The following CECR2 variants were observed in gnomAD, a reference collection of about 807,000 sequenced individuals.
The protein encoded by CECR2 is chromatin remodeling regulator CECR2.
CECR2 carries 30 observed loss-of-function variants against 154.5 expected under a neutral mutation model. The observed-to-expected ratio is 0.19, with a 90% CI of 0.15 to 0.26. CECR2 has a LOEUF of 0.26. Ranked by LOEUF, CECR2 falls within the 10% of genes least tolerant of loss-of-function variation. The pLI is 1.00. For synonymous variants in CECR2, 725 were observed against 683.7 expected, an observed-to-expected ratio of 1.06 and a Z score of -0.94; for missense variants, 1,743 against 1,829.3, an observed-to-expected ratio of 0.95 and a Z score of 0.86.
At chr22:17,467,511 C>T (rs909169640) in intron 1 of CECR2, among the ~76,000 whole-genome samples, 3 of 152,098 alleles carry the variant, frequency 2.0e-5, no homozygotes, top group Non-Finnish European at 4.4e-5. Flanking sequence ...GTCCCGGGTG[C>T]GGTGGCTCAC....
chr22:17,543,968 C>T (rs2056570922), intron 16 of CECR2, among the ~76,000 whole-genome samples: 1 of 152,212 alleles, frequency 6.6e-6, no homozygotes, highest in Non-Finnish European at 1.5e-5. Flanking sequence ...ATTATTTGCT[C>T]TCAGCCAGCT....
chr22:17,403,735 G>T (rs937512168), intron 1 of CECR2, among the ~76,000 whole-genome samples: 6 of 151,958 alleles, frequency 3.9e-5, no homozygotes, highest in Non-Finnish European at 7.4e-5. Context: ...TTTAAAATTG[G>T]ACTCTTTGTC....
At chr22:17,441,991 C>T (rs952340410) in intron 1 of CECR2, among the ~76,000 whole-genome samples, 9 of 152,164 alleles carry the variant, frequency 5.9e-5, no homozygotes, top group Non-Finnish European at 1.2e-4. Flanking sequence ...CTGCAGGAAG[C>T]GGGTGGCAGA....
chr22:17,489,233 T>C (rs1378151401), intron 2 of CECR2, among the ~76,000 whole-genome samples: 1 of 152,182 alleles, frequency 6.6e-6, no homozygotes, highest in Non-Finnish European at 1.5e-5. Flanking sequence ...TCGCCCGGCC[T>C]AGTTACTTCC....
intron 1 of CECR2, among the ~76,000 whole-genome samples, chr22:17,416,646 C>T (rs1229551815): frequency 6.6e-6 from 1 of 152,144 alleles, no homozygotes; most frequent in African/African-American, 2.4e-5. Context: ...GGATTACAGG[C>T]ACGTGCCATC....
chr22:17,518,687 C>T, intron 8 of CECR2: 1 of 445,358 alleles, frequency 2.2e-6, no homozygotes, highest in Non-Finnish European at 4.6e-6. Context: ...TGATGAATTA[C>T]TGTTTGCATT....
intron 17 of CECR2, 129 bp from the exon 18 acceptor site, chr22:17,551,902 C>A: frequency 2.4e-6 from 2 of 819,560 alleles, no homozygotes; most frequent in Non-Finnish European, 2.0e-6. Context: ...CGAGTTGTCC[C>A]AGTATGGATG....
chr22:17,394,137 T>C (rs1391984168), intron 1 of CECR2, among the ~76,000 whole-genome samples: 2 of 147,384 alleles, frequency 1.4e-5, no homozygotes, highest in Non-Finnish European at 3.0e-5. Flanking sequence ...TCCACCTGCC[T>C]CAGCCTCCCA....
chr22:17,409,146 G>A (rs372884157), intron 1 of CECR2, among the ~76,000 whole-genome samples: 1 of 151,294 alleles, frequency 6.6e-6, no homozygotes, highest in Admixed American at 6.6e-5. Flanking sequence ...TTGTTTGTTT[G>A]TTTTTGAGAC....
rs142951354 is a variant in CECR2, at chr22:17,394,990, C to A, written c.126+25081C>A. 7.0e-3 allele frequency among the ~76,000 whole-genome samples: 1,072 copies of A among 152,074 alleles called. 13 individuals are homozygous for A. The highest frequency in any genetic ancestry group is 0.024 in the African/African-American group (980 of 41,464). On this transcript the variant is annotated intron_variant, in intron 1 of 18. Transcript: ENST00000262608. The stretch of plus-strand genomic sequence containing the variant: ...TAATTTAAATACATCAAATGCATTC[C>A]TTTTAAGTATGTAGTGTGAGTTTTG...
intron 1 of CECR2, among the ~76,000 whole-genome samples, chr22:17,383,203 A>T (rs555009972): frequency 1.8e-3 from 277 of 152,232 alleles, no homozygotes; most frequent in African/African-American, 6.3e-3. Context: ...CTAGCCTGGG[A>T]AACAGAGCAA....
rs1217128566 is a variant in CECR2, at chr22:17,557,614, C to T, written c.*4774C>T. 7.5e-6 allele frequency: 1 copy of T among 132,844 alleles called. No homozygotes were observed. Among genetic ancestry groups the T allele is most frequent in the Non-Finnish European group, 1.5e-5 (1 of 65,676 alleles). 8.2% of individuals were successfully genotyped at this position (132,844 alleles called of 1,614,324 possible). ...CACAAGAGGACTAACTGAACTCTAA[C>T]GTCAGAACGGCTGACGAGCAGTTGA... On this transcript the variant is annotated 3_prime_UTR_variant, in exon 19 of 19. Transcript: ENST00000262608.
intron 7 of CECR2, among the ~76,000 whole-genome samples, chr22:17,511,453 C>G (rs2146925170): frequency 6.6e-6 from 1 of 152,268 alleles, no homozygotes; most frequent in East Asian, 1.9e-4. Flanking sequence ...GATGCCCCCT[C>G]CCAGAGCCGC....
chr22:17,486,615 A>G (rs1040297256), intron 2 of CECR2, among the ~76,000 whole-genome samples: 4 of 152,238 alleles, frequency 2.6e-5, no homozygotes, highest in South Asian at 4.1e-4. Context: ...CATTCTCCCC[A>G]GGAAAAACTA....
At chr22:17,386,088 C>T (rs966990679) in intron 1 of CECR2, among the ~76,000 whole-genome samples, 5 of 152,164 alleles carry the variant, frequency 3.3e-5, no homozygotes, top group African/African-American at 9.7e-5. Flanking sequence ...AGCCCTCATA[C>T]GGTGGTACCA....
chr22:17,506,828 A>T (rs1032522848), intron 7 of CECR2, among the ~76,000 whole-genome samples: 32 of 151,874 alleles, frequency 2.1e-4, no homozygotes, highest in Non-Finnish European at 3.4e-4. Context: ...TAATGTTTTT[A>T]TATTTTTAGT....
Position 17,390,726 on chromosome 22 carries a change from C to T in CECR2, c.126+20817C>T, listed in dbSNP as rs74350964. Among the ~76,000 whole-genome samples, 871 of 152,270 alleles carry T rather than the reference C, an allele frequency of 5.7e-3. 2 individuals are homozygous for T. Among genetic ancestry groups the T allele is most frequent in the Middle Eastern group, 0.02 (6 of 294 alleles). Reference sequence around the variant, plus strand: ...CATCATAGCTCAGCAGCCTCAACCTCGCCGGTCCCAAAGTGCTTGAATGAC... The same window carrying T: ...CATCATAGCTCAGCAGCCTCAACCTTGCCGGTCCCAAAGTGCTTGAATGAC... On this transcript the variant is annotated intron_variant, in intron 1 of 18. Coordinates refer to ENST00000262608, the MANE Select transcript of CECR2 (RefSeq NM_001290047.2).
chr22:17,542,149 G>C lies in CECR2; in HGVS notation c.2014-8G>C. On this transcript the variant is annotated splice_region_variant and splice_polypyrimidine_tract_variant and intron_variant, in intron 15 of 18. Coordinates refer to ENST00000262608, the MANE Select transcript of CECR2 (RefSeq NM_001290047.2). ...GTCTGTAACTGTGCTGCCTTTTCTC[G>C]TTGCCAGCCTCCAGTTGGAATTAAC... 6.2e-7 allele frequency: 1 copy of C among 1,606,014 alleles called. No homozygotes were observed. Among genetic ancestry groups the C allele is most frequent in the Non-Finnish European group, 8.5e-7 (1 of 1,174,194 alleles).
At chr22:17,502,884 A>C (rs553254480) in intron 5 of CECR2, among the ~76,000 whole-genome samples, 198 bp from the exon 6 acceptor site, 127 of 152,198 alleles carry the variant, frequency 8.3e-4, no homozygotes, top group Non-Finnish European at 1.6e-3. Context: ...GCTGTATGTC[A>C]GTACTTCCCT....
Sources: gnomAD v4.1 joint callset for allele counts (sites outside exome capture counted in the v4.1 genomes callset) on GRCh38, gnomAD v4.1.1 for gene constraint, MANE v1.5 for transcripts, NCBI Gene and HGNC (gene_info 2026-07-23, HGNC 2026-07-21) for gene names.